TSNARE1: variants seen among roughly 807,000 people sequenced by gnomAD.
TSNARE1 encodes the protein t-SNARE domain-containing protein 1.
In TSNARE1, 49 loss-of-function variants were observed where a neutral mutation model predicts 62.0. That is an observed-to-expected ratio of 0.79 (90% CI 0.63 to 1.00). TSNARE1 has a LOEUF of 1.00. Among genes scored for constraint, TSNARE1 ranks in the 50% least tolerant of loss-of-function variants. The pLI is 0.00. For missense variants in TSNARE1, 755 were observed against 700.1 expected, an observed-to-expected ratio of 1.08 and a Z score of -0.88; for synonymous variants, 328 against 294.4, an observed-to-expected ratio of 1.11 and a Z score of -1.17.
intron 13 of TSNARE1, among the ~76,000 whole-genome samples, chr8:142,227,218 A>T (rs932289074): frequency 7.0e-6 from 1 of 143,748 alleles, no homozygotes; most frequent in African/African-American, 2.7e-5. Context: ...CCACAACCCT[A>T]GTGACAGCCA....
At chr8:142,225,205 A>C (rs1586777969) in intron 13 of TSNARE1, among the ~76,000 whole-genome samples, 5 of 81,332 alleles carry the variant, frequency 6.1e-5, no homozygotes, top group African/African-American at 9.7e-5. Context: ...GCTTGCCCTC[A>C]CTCCCACCCT....
Position 142,366,104 on chromosome 8 carries a change from T to A in TSNARE1, c.-39-11341A>T, listed in dbSNP as rs375585374. The A allele has an allele frequency of 5.1e-4, 151 of 294,424 alleles. 1 individual carries two copies. The highest frequency in any genetic ancestry group is 3.3e-3 in the African/African-American group (142 of 43,570). 18.2% of individuals were successfully genotyped at this position (294,424 alleles called of 1,614,324 possible). ...CAGGCTGGAGTGCAGTGGCACAATC[T>A]CAGCTCACTGTAAGCTCCGCCTCCC... On this transcript the variant is annotated intron_variant, in intron 1 of 13. Coordinates refer to ENST00000524325, the MANE Select transcript of TSNARE1 (RefSeq NM_145003.5).
chr8:142,325,729 G>A (rs761005979), intron 6 of TSNARE1, among the ~76,000 whole-genome samples: 12 of 152,318 alleles, frequency 7.9e-5, no homozygotes, highest in Middle Eastern at 3.4e-3. Context: ...TCCGAGCTGC[G>A]GGATATGCAA....
intron 4 of TSNARE1, among the ~76,000 whole-genome samples, chr8:142,340,403 G>C (rs1169325873): frequency 6.6e-6 from 1 of 152,206 alleles, no homozygotes; most frequent in Non-Finnish European, 1.5e-5. Context: ...AAAGCCGCAG[G>C]CAGACCGCAG....
chr8:142,218,050 AG>A (rs1174136050), intron 13 of TSNARE1, among the ~76,000 whole-genome samples: 17 of 80,070 alleles, frequency 2.1e-4, no homozygotes, highest in Admixed American at 3.4e-4. Flanking sequence ...GACCAGGATC[AG>A]GGCTCAGAGT....
intron 13 of TSNARE1, among the ~76,000 whole-genome samples, chr8:142,217,674 T>A (rs986018215): frequency 3.3e-5 from 5 of 152,284 alleles, no homozygotes; most frequent in Admixed American, 1.3e-4. Flanking sequence ...GGGTCAGGGC[T>A]AGTCCATAGC....
At chr8:142,394,753 A>G (rs28433910) in intron 1 of TSNARE1, among the ~76,000 whole-genome samples, 30,764 of 152,118 alleles carry the variant, frequency 0.2, 3,233 homozygotes, top group East Asian at 0.28. Flanking sequence ...ATTGAGCTCT[A>G]AGCTGTGGGA....
At chr8:142,320,857 G>C (rs976852010) in intron 6 of TSNARE1, among the ~76,000 whole-genome samples, 1 of 152,192 alleles carries the variant, frequency 6.6e-6, no homozygotes, top group Non-Finnish European at 1.5e-5. Flanking sequence ...CATGTGGCAG[G>C]GGCTCTCACT....
intron 6 of TSNARE1, among the ~76,000 whole-genome samples, chr8:142,322,826 C>T (rs998710776): frequency 3.3e-5 from 5 of 150,540 alleles, no homozygotes; most frequent in Admixed American, 6.6e-5. Context: ...GGTTGGACAA[C>T]GATACTATTA....
chr8:142,354,940 G>A lies in TSNARE1; in HGVS notation c.-39-177C>T, dbSNP rs564410850. 1.3e-3 allele frequency among the ~76,000 whole-genome samples: 190 copies of A among 145,368 alleles called. 1 individual carries two copies. Among genetic ancestry groups the A allele is most frequent in the Non-Finnish European group, 4.2e-4 (28 of 66,430 alleles). On this transcript the variant is annotated intron_variant, in intron 1 of 13. Coordinates refer to ENST00000524325, the MANE Select transcript of TSNARE1 (RefSeq NM_145003.5). ...GCCCCCAAACAGCAACCCCCCCACA[G>A]AGCCCCTTCAAGGTGGCCTCTTGGT...
In TSNARE1 at chr8:142,272,689, G is replaced by A. The variant is rs184569409; in HGVS notation, c.1446+2092C>T. 3,188 of 923,798 alleles carry A rather than the reference G, an allele frequency of 3.5e-3. 20 individuals are homozygous for A. Among genetic ancestry groups the A allele is most frequent in the Non-Finnish European group, 3.5e-3 (2,839 of 806,392 alleles). The allele number at this position is 923,798 out of a possible 1,614,324, so 57.2% of individuals were successfully genotyped here. The stretch of plus-strand genomic sequence containing the variant: ...GGAGCAGGACATTCTATGCAGAGGC[G>A]ACTTCACAGAGGCCTCATCCCTCCT... On this transcript the variant is annotated intron_variant, in intron 12 of 13. Transcript: ENST00000524325.
At chr8:142,386,749 T>A (rs562309083) in intron 1 of TSNARE1, among the ~76,000 whole-genome samples, 63 of 152,310 alleles carry the variant, frequency 4.1e-4, no homozygotes, top group African/African-American at 1.4e-3. Flanking sequence ...TTGATCCTAA[T>A]GAATGCACTT....
rs770878460 is a variant in TSNARE1, at chr8:142,344,025, G to T, written c.686C>A (p.Ala229Asp). The part of the protein sequence containing the change: ...LALTPVEQVV[A>D]KTFSCQALPS... ...CAGGGCCTGGCAAGAGAAGGTCTTG[G>T]CCACCACCTGCTCCACGGGCGTGAG... Residue 229 changes from alanine to aspartate, a missense_variant, in exon 4 of 14, where the codon GCC becomes GAC. Transcript: ENST00000524325. 1 of 1,570,576 alleles carries T rather than the reference G, an allele frequency of 6.4e-7. No individual in the cohort carries two copies. The highest frequency in any genetic ancestry group is 8.6e-7 in the Non-Finnish European group (1 of 1,156,210).
intron 11 of TSNARE1, among the ~76,000 whole-genome samples, chr8:142,282,193 G>A (rs948408118): frequency 1.3e-5 from 2 of 152,136 alleles, no homozygotes; most frequent in African/African-American, 4.8e-5. Context: ...AGGCCTGCAC[G>A]TTCCCATGCC....
intron 1 of TSNARE1, among the ~76,000 whole-genome samples, chr8:142,368,290 CAG>C (rs1250299257): frequency 1.3e-5 from 2 of 152,098 alleles, no homozygotes; most frequent in Non-Finnish European, 2.9e-5. Flanking sequence ...AAGACACAAA[CAG>C]AAAATTTACA....
At chr8:142,221,893 T>C (rs1816267938) in intron 13 of TSNARE1, among the ~76,000 whole-genome samples, 1 of 138,768 alleles carries the variant, frequency 7.2e-6, no homozygotes, top group African/African-American at 2.7e-5. Context: ...ATCCACTCAT[T>C]CACTCACTCA....
At chr8:142,344,857 C>T (rs918353498) in intron 3 of TSNARE1, among the ~76,000 whole-genome samples, 1 of 152,192 alleles carries the variant, frequency 6.6e-6, no homozygotes, top group African/African-American at 2.4e-5. Flanking sequence ...GATCAGCCCT[C>T]GCCTGGGGAC....
intron 11 of TSNARE1, chr8:142,278,262 T>C: frequency 1.0e-6 from 1 of 985,448 alleles, no homozygotes; most frequent in Non-Finnish European, 1.2e-6. Flanking sequence ...ACTCTGCCCA[T>C]GGGTCCCAGC....
intron 1 of TSNARE1, among the ~76,000 whole-genome samples, chr8:142,365,167 G>A (rs926762847): frequency 3.3e-5 from 5 of 152,140 alleles, no homozygotes; most frequent in East Asian, 1.9e-4. Flanking sequence ...CCTCTGACAC[G>A]ATGCACAGAG....
Sources: gnomAD v4.1 joint callset for allele counts (sites outside exome capture counted in the v4.1 genomes callset) on GRCh38, gnomAD v4.1.1 for gene constraint, MANE v1.5 for transcripts, NCBI Gene and HGNC (gene_info 2026-07-23, HGNC 2026-07-21) for gene names.